Variants in AGAP2 observed in about 807,000 individuals in gnomAD.
AGAP2 encodes ArfGAP with GTPase domain, ankyrin repeat and PH domain 2.
A neutral mutation model predicts 110.9 loss-of-function variants in AGAP2; 32 were observed. The observed-to-expected ratio is 0.29, with a 90% CI of 0.22 to 0.39. The LOEUF (loss-of-function observed/expected upper bound fraction) is 0.39. Among genes scored for constraint, AGAP2 ranks in the 10% least tolerant of loss-of-function variants. AGAP2 has a pLI of 1.00. For missense variants in AGAP2, 1,285 were observed against 1,638.5 expected (o/e 0.78, Z 3.72); for synonymous variants, 702 against 713.0 (o/e 0.98, Z 0.25).
intron 12 of AGAP2, chr12:57,730,253 C>T (rs555247990): frequency 6.1e-5 from 34 of 553,674 alleles, no homozygotes; most frequent in South Asian, 3.3e-4. Context: ...AACTGAGGCA[C>T]GGAGAGGTCA....
intron 5 of AGAP2, among the ~76,000 whole-genome samples, chr12:57,733,267 T>G (rs1394583840): frequency 6.6e-6 from 1 of 151,878 alleles, no homozygotes; most frequent in African/African-American, 2.4e-5. Context: ...AAGGTCTACA[T>G]AGCTGAGACC....
rs1565789153 is a variant in AGAP2 at position 57,726,448 on chromosome 12, G to A, written c.*104C>T. ...GGGGTAGGAAGTGCTCCCGTGGGGCGGGGTGCGGATCGGAGAGGTGAGTGG... is the reference window on the plus strand; with the variant it reads ...GGGGTAGGAAGTGCTCCCGTGGGGCAGGGTGCGGATCGGAGAGGTGAGTGG... On this transcript the variant is annotated 3_prime_UTR_variant, in exon 19 of 19. Coordinates refer to ENST00000547588, the MANE Select transcript of AGAP2 (RefSeq NM_001122772.3). This position sits in a 1 kb window ranked among gnomAD's most constrained non-coding sequence, Gnocchi z 5.7. 9.2e-7 allele frequency: 1 copy of A among 1,083,240 alleles called. No homozygotes were observed. The highest frequency in any genetic ancestry group is 4.8e-5 in the East Asian group (1 of 20,726). 67.1% of individuals were successfully genotyped at this position (1,083,240 alleles called of 1,614,324 possible). A position where few individuals can be genotyped will look rare whatever the true frequency, so the allele number is the denominator to read the frequency against.
chr12:57,737,206 A>T lies in AGAP2; in HGVS notation c.1041T>A (p.Phe347Leu). ...ASTRDRKMLK[F>L]ISGIFTKSTG... is the part of the protein sequence containing the mutation. ...TGCTCTTGGTGAAGATGCCGCTGAT[A>T]AACTTGAGCATCTTGCGGTCACGAG... The change falls in exon 1 of 19, where the codon TTT (phenylalanine) becomes TTA (leucine). Residue 347 changes from phenylalanine to leucine, a missense_variant. Physicochemically the swap from Phe to Leu is conservative, Grantham distance 22. Transcript: ENST00000547588. This position sits in a 1 kb window ranked among gnomAD's most constrained non-coding sequence, Gnocchi z 5.9. 1 of 1,604,968 alleles carries T rather than the reference A, an allele frequency of 6.2e-7. No individual in the cohort carries two copies. Among genetic ancestry groups the T allele is most frequent in the Non-Finnish European group, 8.5e-7 (1 of 1,176,082 alleles).
downstream of AGAP2, chr12:57,723,954 T>G (rs238517): frequency 0.39 from 59,350 of 151,808 alleles, 11,859 homozygotes; most frequent in Middle Eastern, 0.6. Flanking sequence ...GAGGAAGGAG[T>G]GGAGCTGAAA....
At chr12:57,732,038 T>C (rs1170453302) in intron 7 of AGAP2, 71 bp from the exon 8 acceptor site, 1 of 1,521,570 alleles carries the variant, frequency 6.6e-7, no homozygotes, top group East Asian at 2.3e-5. Flanking sequence ...CATATCTCGT[T>C]ATGGGGAATT....
intron 5 of AGAP2, among the ~76,000 whole-genome samples, chr12:57,733,699 A>T (rs1285137320): frequency 6.6e-6 from 1 of 152,156 alleles, no homozygotes; most frequent in South Asian, 2.1e-4. Flanking sequence ...CCACCCTAGG[A>T]CTTGAGATTT....
rs1239154237 is a variant in AGAP2, at chr12:57,732,406, G to A, written c.1791C>T (p.Gly597=). The change falls in exon 7 of 19, where the codon GGC becomes GGT. Residue 597 remains glycine (G), a synonymous_variant. Coordinates refer to ENST00000547588, the MANE Select transcript of AGAP2 (RefSeq NM_001122772.3). The stretch of plus-strand genomic sequence containing the variant: ...AGACTCTGAAACCCCAACTCACCTG[G>A]CCAGCTACCGGAGTGGATGCAGCTG... ...SHSAASTPVA[G]QASNGGHTSD... The A allele has an allele frequency of 6.3e-7, 1 of 1,597,228 alleles. No individual in the cohort carries two copies. The highest frequency in any genetic ancestry group is 8.5e-7 in the Non-Finnish European group (1 of 1,171,042).
Position 57,737,393 on chromosome 12 carries a change from G to A in AGAP2, c.854C>T (p.Pro285Leu). 1 of 1,613,828 alleles carries A rather than the reference G, an allele frequency of 6.2e-7. No individual in the cohort carries two copies. The highest frequency in any genetic ancestry group is 1.1e-5 in the South Asian group (1 of 91,086). ...TLDNSDLHPG[P>L]PAGSPPPLTL... ...TAGCGGAGGAGGAGAGCCGGCAGGC[G>A]GTCCCGGATGCAAGTCACTGTTGTC... The change falls in exon 1 of 19, where the codon CCG (proline) becomes CTG (leucine). Residue 285 changes from proline to leucine, a missense_variant. Around this residue, in one of 7 missense-constraint regions of AGAP2, gnomAD observed 844 missense variants for 941.2 expected, o/e 0.90. Transcript: ENST00000547588. The surrounding 1 kb of genome is among the most constrained non-coding windows in gnomAD (Gnocchi z 5.9).
chr12:57,730,161 A>G (rs1193729718), intron 12 of AGAP2, among the ~76,000 whole-genome samples: 3 of 151,976 alleles, frequency 2.0e-5, no homozygotes, highest in African/African-American at 7.3e-5. Context: ...CTGACTATGT[A>G]CTAGACAATA....
chr12:57,732,562 C>A, intron 6 of AGAP2, 50 bp from the exon 7 acceptor site: 1 of 1,502,558 alleles, frequency 6.7e-7, no homozygotes, highest in South Asian at 1.2e-5. Context: ...TACCCAAGAC[C>A]ACCCTTCCAT....
intron 7 of AGAP2, 49 bp from the exon 8 acceptor site, chr12:57,732,016 C>T (rs766565162): frequency 1.3e-6 from 2 of 1,588,710 alleles, no homozygotes; most frequent in Non-Finnish European, 1.7e-6. Flanking sequence ...CCCTACTCCA[C>T]CAAGCTACAC....
chr12:57,739,450 C>T (rs1220223870), upstream of AGAP2, among the ~76,000 whole-genome samples: 2 of 152,212 alleles, frequency 1.3e-5, no homozygotes, highest in East Asian at 1.9e-4. Flanking sequence ...GGAAAATGTT[C>T]CCCAGGGATG....
chr12:57,726,865 T>C lies in AGAP2; in HGVS notation c.3337-71A>G. The C allele has an allele frequency of 6.9e-7, 1 of 1,444,678 alleles. No homozygotes were observed. The highest frequency in any genetic ancestry group is 9.1e-7 in the Non-Finnish European group (1 of 1,104,428). 89.5% of individuals were successfully genotyped at this position (1,444,678 alleles called of 1,614,324 possible). ...CACACCCGGCGCCGCCTCCCCCACATGGCCAAGCCTACTTCCGGGGTCCCT... is the reference window on the plus strand; with the variant it reads ...CACACCCGGCGCCGCCTCCCCCACACGGCCAAGCCTACTTCCGGGGTCCCT... On this transcript the variant is annotated intron_variant, in intron 18 of 18. Coordinates refer to ENST00000547588, the MANE Select transcript of AGAP2 (RefSeq NM_001122772.3). The surrounding 1 kb of genome is among the most constrained non-coding windows in gnomAD (Gnocchi z 5.7).
At chr12:57,730,734 C>G in intron 11 of AGAP2, 57 bp downstream of exon 11, 1 of 1,610,986 alleles carries the variant, frequency 6.2e-7, no homozygotes, top group African/African-American at 1.3e-5. Context: ...CCCTCTTACC[C>G]CTCTTTTTCC....
intron 14 of AGAP2, 101 bp downstream of exon 14, chr12:57,728,217 T>G (rs1188875151): frequency 6.6e-7 from 1 of 1,506,966 alleles, no homozygotes; most frequent in Non-Finnish European, 9.0e-7. Context: ...AAGCAGAGGG[T>G]GGGGGGCAGC....
intron 10 of AGAP2, among the ~76,000 whole-genome samples, 173 bp from the exon 11 acceptor site, chr12:57,731,126 T>C (rs1457243975): frequency 6.6e-6 from 1 of 152,164 alleles, no homozygotes; most frequent in Non-Finnish European, 1.5e-5. Context: ...AATTGTCTCC[T>C]CCAGAAAGCG....
chr12:57,742,057 C>A (rs1265938316), upstream of AGAP2: 1 of 1,614,094 alleles, frequency 6.2e-7, no homozygotes, highest in Non-Finnish European at 8.5e-7. Flanking sequence ...CAACGAACTG[C>A]CTCTGGGCAT....
In AGAP2 at chr12:57,727,232, G is replaced by A. The variant is rs750758234; in HGVS notation, c.3081-3C>T. Reference sequence around the variant, plus strand: ...GAATCCACGACTCGCGCTCCTCCCTGCAAGACCAGGGATCAACGGAAAAGG... The same window carrying A: ...GAATCCACGACTCGCGCTCCTCCCTACAAGACCAGGGATCAACGGAAAAGG... On this transcript the variant is annotated splice_region_variant and splice_polypyrimidine_tract_variant and intron_variant, in intron 17 of 18. Coordinates refer to ENST00000547588, the MANE Select transcript of AGAP2 (RefSeq NM_001122772.3). 2.5e-6 allele frequency: 4 copies of A among 1,612,506 alleles called. No individual in the cohort carries two copies. The Admixed American group carries it at 6.7e-5, about 27-fold the overall frequency.
chr12:57,737,021 C>T lies in AGAP2; in HGVS notation c.1168+58G>A, dbSNP rs1189070384. 3 of 1,453,306 alleles carry T rather than the reference C, an allele frequency of 2.1e-6. No individual in the cohort carries two copies. Among genetic ancestry groups the T allele is most frequent in the Admixed American group, 2.8e-5 (1 of 35,310 alleles). 90.0% of individuals were successfully genotyped at this position (1,453,306 alleles called of 1,614,324 possible). A position where few individuals can be genotyped will look rare whatever the true frequency, so the allele number is the denominator to read the frequency against. On this transcript the variant is annotated intron_variant, in intron 1 of 18. Coordinates refer to ENST00000547588, the MANE Select transcript of AGAP2 (RefSeq NM_001122772.3). The surrounding 1 kb of genome is among the most constrained non-coding windows in gnomAD (Gnocchi z 5.9). ...TTTCCTGGACCTCGCTCCTCCACCC[C>T]AAGCTGAGCATTCCAGGTACCCTTC...
Sources: allele counts gnomAD v4.1 joint callset (sites outside exome capture counted in the v4.1 genomes callset), GRCh38; gene constraint gnomAD v4.1.1; regional missense constraint gnomAD v4.1.1; non-coding constraint Gnocchi (gnomAD v3.1); transcripts MANE v1.5; gene names NCBI Gene and HGNC (gene_info 2026-07-23, HGNC 2026-07-21).